Variants in KCNIP4 observed in about 807,000 individuals in gnomAD.
The protein encoded by KCNIP4 is Kv channel-interacting protein 4.
A neutral mutation model predicts 34.0 loss-of-function variants in KCNIP4; 12 were observed. The observed-to-expected ratio is 0.35, with a 90% CI of 0.23 to 0.57. The LOEUF is 0.57. KCNIP4 is among the 20% of genes least tolerant of loss of function. The pLI is 0.83. For synonymous variants in KCNIP4, 124 were observed against 102.2 expected, an observed-to-expected ratio of 1.21 and a Z score of -1.29; for missense variants, 238 against 311.7, an observed-to-expected ratio of 0.76 and a Z score of 1.78.
chr4:21,012,373 G>A (rs1403022226), intron 1 of KCNIP4, among the ~76,000 whole-genome samples: 1 of 152,120 alleles, frequency 6.6e-6, no homozygotes, highest in African/African-American at 2.4e-5. Flanking sequence ...GAGTCCAGGA[G>A]TTCAAGACCA....
rs1209109832 is a variant in KCNIP4 at position 20,754,387 on chromosome 4, CATA to C, written c.358+4431_358+4433del. 3.3e-5 allele frequency among the ~76,000 whole-genome samples: 5 copies of C among 152,192 alleles called. No individual in the cohort carries two copies. The South Asian group carries it at 1.0e-3, about 32-fold the overall frequency. ...TTATGGACCCATCAATGTTACTGTT[CATA>C]ATGAGAAAAACTGTTGCATTCAGAC... On this transcript the variant is annotated intron_variant, in intron 4 of 8. Transcript: ENST00000382152.
At chr4:21,691,447 A>G (rs1195134063) in intron 1 of KCNIP4, among the ~76,000 whole-genome samples, 2 of 151,924 alleles carry the variant, frequency 1.3e-5, no homozygotes, top group African/African-American at 4.8e-5. Flanking sequence ...CATACACATT[A>G]CCCCTTATTG....
intron 1 of KCNIP4, among the ~76,000 whole-genome samples, chr4:21,010,271 G>A (rs1017368827): frequency 6.6e-6 from 1 of 152,174 alleles, no homozygotes; most frequent in Non-Finnish European, 1.5e-5. Flanking sequence ...CCCTTCGCCA[G>A]TCACTGAAAG....
intron 1 of KCNIP4, among the ~76,000 whole-genome samples, chr4:21,341,199 G>A (rs1716730528): frequency 6.6e-6 from 1 of 152,154 alleles, no homozygotes; most frequent in South Asian, 2.1e-4. Context: ...AGAGCTTTCA[G>A]AGGGAATATA....
At chr4:21,883,799 G>A (rs1726599932) in intron 1 of KCNIP4, among the ~76,000 whole-genome samples, 1 of 152,034 alleles carries the variant, frequency 6.6e-6, no homozygotes, top group Admixed American at 6.6e-5. Context: ...CTGGCCTATA[G>A]CAATCACTCA....
rs1560690229 is a variant in KCNIP4, at chr4:21,065,729, TATATATATATA to T, written c.62-183031_62-183021del. 3.1e-3 allele frequency among the ~76,000 whole-genome samples: 107 copies of T among 34,820 alleles called. 1 individual carries two copies. The highest frequency in any genetic ancestry group is 7.9e-3 in the African/African-American group (100 of 12,626). The allele number at this position is 34,820 out of a possible 152,430, so 22.8% of individuals were successfully genotyped here. A position where few individuals can be genotyped will look rare whatever the true frequency, so the allele number is the denominator to read the frequency against. On this transcript the variant is annotated intron_variant, in intron 1 of 8. Transcript: ENST00000382152. ...ATCATAGATTGGTATCATTTGTCTA[TATATATATATA>T]TATATATATATATATATATATATAT...
chr4:21,315,955 G>T (rs568561964), intron 1 of KCNIP4, among the ~76,000 whole-genome samples: 7 of 152,096 alleles, frequency 4.6e-5, no homozygotes, highest in Non-Finnish European at 8.8e-5. Flanking sequence ...CTCATTTCCT[G>T]ACCGACTGTG....
At chr4:21,257,216 C>G (rs977894077) in intron 1 of KCNIP4, among the ~76,000 whole-genome samples, 5 of 152,090 alleles carry the variant, frequency 3.3e-5, no homozygotes, top group Admixed American at 3.3e-4. Context: ...AGCAAGAGTT[C>G]CACTTTTGGC....
chr4:21,194,800 A>T (rs955196392), intron 1 of KCNIP4, among the ~76,000 whole-genome samples: 4 of 152,240 alleles, frequency 2.6e-5, no homozygotes, highest in Non-Finnish European at 4.4e-5. Context: ...ATAGCATGAC[A>T]CAGCGAACCC....
intron 1 of KCNIP4, among the ~76,000 whole-genome samples, chr4:21,385,797 C>T (rs1210903883): frequency 6.6e-6 from 1 of 152,044 alleles, no homozygotes; most frequent in Non-Finnish European, 1.5e-5. Flanking sequence ...AAACCAGGTG[C>T]CACAGATTTA....
intron 1 of KCNIP4, among the ~76,000 whole-genome samples, chr4:21,461,423 G>GTT (rs34481415): frequency 4.4e-4 from 65 of 148,464 alleles, no homozygotes; most frequent in Admixed American, 8.1e-4. Context: ...AGCTTGTGAA[G>GTT]TTTTTTTTTT....
At chr4:21,850,442 T>A (rs1336385924) in intron 1 of KCNIP4, 1 of 152,016 alleles carries the variant, frequency 6.6e-6, no homozygotes, top group Non-Finnish European at 1.5e-5. Flanking sequence ...ATGGGACCAG[T>A]GGCTTCATAA....
In KCNIP4 at chr4:20,812,455, T is replaced by A. The variant is rs147758408; in HGVS notation, c.288+38088A>T. On this transcript the variant is annotated intron_variant, in intron 3 of 8. Transcript: ENST00000382152. ...AAGAGATAAAGAACAATGAGAGATA[T>A]GAGTTAGACACTGGGATATGAGTTA... Among the ~76,000 whole-genome samples the A allele has an allele frequency of 2.6e-5, 4 of 152,142 alleles. No homozygotes were observed. The East Asian group carries it at 7.8e-4, about 29-fold the overall frequency.
intron 1 of KCNIP4, among the ~76,000 whole-genome samples, chr4:21,724,651 A>G (rs1355013657): frequency 6.6e-6 from 1 of 152,044 alleles, no homozygotes; most frequent in Non-Finnish European, 1.5e-5. Flanking sequence ...GTTGGTCTAA[A>G]AGTTACTATT....
Position 21,662,529 on chromosome 4 carries a change from G to C in KCNIP4, c.61+286042C>G, listed in dbSNP as rs568755112. The stretch of plus-strand genomic sequence containing the variant: ...CATTAGGGAATTCATCCAGAATAAT[G>C]ACAGAAGCACAAAAGCAGGATTAAT... On this transcript the variant is annotated intron_variant, in intron 1 of 8. Transcript: ENST00000382152. 5.3e-5 allele frequency among the ~76,000 whole-genome samples: 8 copies of C among 152,292 alleles called. No homozygotes were observed. The East Asian group carries it at 1.4e-3, about 26-fold the overall frequency.
At chr4:20,929,543 A>C (rs1730231139) in intron 1 of KCNIP4, among the ~76,000 whole-genome samples, 1 of 152,078 alleles carries the variant, frequency 6.6e-6, no homozygotes, top group Non-Finnish European at 1.5e-5. Flanking sequence ...AATAGCAATC[A>C]GACCAGAGAA....
At chr4:21,293,867 T>C (rs1257535863) in intron 1 of KCNIP4, among the ~76,000 whole-genome samples, 2 of 152,182 alleles carry the variant, frequency 1.3e-5, no homozygotes, top group African/African-American at 2.4e-5. Flanking sequence ...TTAATCTTCA[T>C]TTACTTCAAA....
At chr4:20,805,074 G>T (rs12641748) in intron 3 of KCNIP4, among the ~76,000 whole-genome samples, 6,530 of 152,098 alleles carry the variant, frequency 0.043, 205 homozygotes, top group South Asian at 0.077. Context: ...GTAGTGGTAG[G>T]TCAGGTAAAA....
rs1560394138 is a variant in KCNIP4 at position 20,729,674 on chromosome 4, AT to A, written c.*407del. 2 of 155,850 alleles carry A rather than the reference AT, an allele frequency of 1.3e-5. No homozygotes were observed. The highest frequency in any genetic ancestry group is 2.8e-5 in the Non-Finnish European group (2 of 70,802). The allele number at this position is 155,850 out of a possible 1,614,324, so 9.7% of individuals were successfully genotyped here. A position where few individuals can be genotyped will look rare whatever the true frequency, so the allele number is the denominator to read the frequency against. On this transcript the variant is annotated 3_prime_UTR_variant, in exon 9 of 9. Coordinates refer to ENST00000382152, the MANE Select transcript of KCNIP4 (RefSeq NM_025221.6). ...AATTAATTTAATTTCTGGAAATTAAATGCAGATGTCACTATATTAGAAAACC... is the reference window on the plus strand; with the variant it reads ...AATTAATTTAATTTCTGGAAATTAAAGCAGATGTCACTATATTAGAAAACC...
Sources: allele counts gnomAD v4.1 joint callset (sites outside exome capture counted in the v4.1 genomes callset), GRCh38; gene constraint gnomAD v4.1.1; transcripts MANE v1.5; gene names NCBI Gene and HGNC (gene_info 2026-07-23, HGNC 2026-07-21).